Variants in RNF213 observed in about 807,000 individuals in gnomAD.
RNF213 encodes ring finger protein 213.
RNF213 carries 341 observed loss-of-function variants against 514.4 expected under a neutral mutation model. The ratio of observed to expected loss-of-function variants is 0.66; its 90% CI spans 0.61 to 0.73. The LOEUF is 0.73. Among genes scored for constraint, RNF213 ranks in the 30% least tolerant of loss-of-function variants. RNF213 has a pLI of 0.00. For missense variants in RNF213, 5,767 were observed against 6,615.6 expected (o/e 0.87, Z 4.45); for synonymous variants, 2,655 against 2,658.2 (o/e 1.00, Z 0.04).
chr17:80,372,370 A>C (rs2079550560), intron 47 of RNF213, 151 bp from the exon 48 acceptor site: 1 of 647,226 alleles, frequency 1.5e-6, no homozygotes, highest in East Asian at 2.8e-5. Context: ...AAGGAATGTT[A>C]GGTTTCCATA....
At chr17:80,341,609 A>G (rs138150644) in intron 26 of RNF213, 7 of 152,272 alleles carry the variant, frequency 4.6e-5, no homozygotes, top group African/African-American at 1.7e-4. Flanking sequence ...ATGGTGGTGC[A>G]TGCCTGTGAT....
At chr17:80,380,428 C>T (rs1038702735) in intron 55 of RNF213, among the ~76,000 whole-genome samples, 1 of 152,186 alleles carries the variant, frequency 6.6e-6, no homozygotes, top group Non-Finnish European at 1.5e-5. Flanking sequence ...ACTTTAGATC[C>T]CGGTTTTTCC....
intron 36 of RNF213, among the ~76,000 whole-genome samples, chr17:80,356,853 G>A (rs2078845349): frequency 6.6e-6 from 1 of 151,876 alleles, no homozygotes; most frequent in African/African-American, 2.4e-5. Flanking sequence ...TTTAAAAAAT[G>A]TAGGTATTTC....
chr17:80,276,253 A>G (rs1598899172), intron 3 of RNF213, among the ~76,000 whole-genome samples: 1 of 151,644 alleles, frequency 6.6e-6, no homozygotes, highest in East Asian at 2.0e-4. Context: ...GGCATGCACC[A>G]CCATGTCTGG....
intron 60 of RNF213, 87 bp downstream of exon 60, chr17:80,385,258 G>A: frequency 1.9e-6 from 3 of 1,539,392 alleles, no homozygotes; most frequent in East Asian, 2.2e-5. Context: ...GTGGGGCGGA[G>A]GGGAGGAGGC....
chr17:80,364,214 G>A (rs567068707), intron 41 of RNF213, among the ~76,000 whole-genome samples: 2 of 152,348 alleles, frequency 1.3e-5, no homozygotes, highest in South Asian at 2.1e-4. Flanking sequence ...CCCATGCAGA[G>A]GCATCACAGT....
Position 80,348,094 on chromosome 17 carries a change from G to C in RNF213, c.9759G>C (p.Glu3253Asp), listed in dbSNP as rs2078375907. Residue 3253 changes from glutamate (E) to aspartate (D), a missense_variant, in exon 29 of 68, where the codon GAG becomes GAC. Glu to Asp is a conservative substitution (Grantham distance 45). Transcript: ENST00000582970. Reference protein sequence around the residue: ...TEELHQKVSEEAKSILLNCAT... With the variant: ...TEELHQKVSEDAKSILLNCAT... ...AACTTCACCAGAAGGTGTCTGAGGA[G>C]GCCAAATCGATCCTGCTGAACTGCG... 1 of 1,614,170 alleles carries C rather than the reference G, an allele frequency of 6.2e-7. No individual in the cohort carries two copies. Among genetic ancestry groups the C allele is most frequent in the Non-Finnish European group, 8.5e-7 (1 of 1,180,056 alleles).
intron 11 of RNF213, among the ~76,000 whole-genome samples, chr17:80,301,976 C>T (rs992016817): frequency 3.3e-5 from 5 of 152,178 alleles, no homozygotes; most frequent in African/African-American, 4.8e-5. Context: ...TTCTGTCTTT[C>T]GCAGCAACAT....
chr17:80,332,247 CGCAGA>C lies in RNF213; in HGVS notation c.3761_3765del (p.Ala1254ValfsTer4). On this transcript the variant is annotated frameshift_variant, in exon 21 of 68. Transcript: ENST00000582970. LOFTEE classifies it high-confidence loss of function. ...GTGAGCCTAAGGAGGACCAGGAAGC[CGCAGA>C]GTTGCTGAGTGAGCCCGAAGAAGAA... is the stretch of plus-strand genomic sequence containing the variant. 6.5e-7 allele frequency: 1 copy of C among 1,537,196 alleles called. No individual in the cohort carries two copies. The highest frequency in any genetic ancestry group is 1.2e-5 in the South Asian group (1 of 84,056).
At chr17:80,388,353 C>T (rs1467800392) in intron 63 of RNF213, among the ~76,000 whole-genome samples, 2 of 152,202 alleles carry the variant, frequency 1.3e-5, no homozygotes, top group Admixed American at 6.5e-5. Flanking sequence ...GCCCTAGCGC[C>T]TCCTGTGGCG....
intron 17 of RNF213, 54 bp from the exon 18 acceptor site, chr17:80,324,976 A>G: frequency 6.7e-7 from 1 of 1,499,900 alleles, no homozygotes; most frequent in Non-Finnish European, 9.0e-7. Context: ...TGTTATTTCA[A>G]AACAAACTAA....
intron 31 of RNF213, 34 bp downstream of exon 31, chr17:80,350,430 A>G: frequency 7.3e-7 from 1 of 1,375,468 alleles, no homozygotes; most frequent in Non-Finnish European, 1.0e-6. Context: ...GAAACTATGT[A>G]AAAAACCCAA....
rs550329051 is a variant in RNF213, at chr17:80,317,458, G to A, written c.2901+181G>A. 1.1e-3 allele frequency among the ~76,000 whole-genome samples: 166 copies of A among 152,232 alleles called. 3 individuals carry two copies. Among genetic ancestry groups the A allele is most frequent in the Non-Finnish European group, 1.8e-3 (125 of 68,014 alleles). On this transcript the variant is annotated intron_variant, in intron 16 of 67. Transcript: ENST00000582970. This position sits in a 1 kb window ranked among gnomAD's most constrained non-coding sequence, Gnocchi z 4.1. ...TAGTCTGTCCCTAGAAGAGCGCTTC[G>A]GAGTCTTACTGAGAGGACAGAGAAG...
intron 2 of RNF213, among the ~76,000 whole-genome samples, chr17:80,272,438 C>G (rs929155545): frequency 3.9e-5 from 6 of 152,206 alleles, no homozygotes; most frequent in African/African-American, 7.2e-5. Flanking sequence ...ATGCTGACAG[C>G]TGTGAAAGAC....
At chr17:80,297,068 C>A (rs2044978506) in intron 10 of RNF213, among the ~76,000 whole-genome samples, 1 of 152,254 alleles carries the variant, frequency 6.6e-6, no homozygotes, top group South Asian at 2.1e-4. Context: ...AGAGTTAGTG[C>A]CGGGGCTTAA....
Position 80,343,268 on chromosome 17 carries a change from C to T in RNF213, c.6126C>T (p.Phe2042=). ...GAGTCCTGGGCGCCCTGCTGCCCTT[C>T]CTGGATGCGCAGTATCAGAAGGTCC... is the stretch of plus-strand genomic sequence containing the variant. ...ESRVLGALLP[F]LDAQYQKVPV... Residue 2042 remains phenylalanine, a synonymous_variant, in exon 27 of 68, where the codon TTC becomes TTT. Coordinates refer to ENST00000582970, the MANE Select transcript of RNF213 (RefSeq NM_001256071.3). This position sits in a 1 kb window ranked among gnomAD's most constrained non-coding sequence, Gnocchi z 4.3. 1 of 1,613,826 alleles carries T rather than the reference C, an allele frequency of 6.2e-7. No individual in the cohort carries two copies. Among genetic ancestry groups the T allele is most frequent in the African/African-American group, 1.3e-5 (1 of 75,036 alleles).
At position 80,396,407 on chromosome 17, in the gene RNF213, CA is replaced by C. The variant is rs1482990354; in HGVS notation, c.*2912del. The stretch of plus-strand genomic sequence containing the variant: ...TGTTCAGGCAATTCCAATTTAGAAA[CA>C]AACTTCCAGTGATAAATATTGGGAA... On this transcript the variant is annotated 3_prime_UTR_variant, in exon 68 of 68. Transcript: ENST00000582970. 6.6e-6 allele frequency: 1 copy of C among 152,162 alleles called. No individual in the cohort carries two copies. The highest frequency in any genetic ancestry group is 2.4e-5 in the African/African-American group (1 of 41,410). 9.4% of individuals were successfully genotyped at this position (152,162 alleles called of 1,614,324 possible).
At chr17:80,309,276 G>A (rs2045483430) in intron 14 of RNF213, 105 bp downstream of exon 14, 2 of 1,380,596 alleles carry the variant, frequency 1.4e-6, no homozygotes, top group South Asian at 2.3e-5. Context: ...GCTGGGATGA[G>A]ATGGAGCGGT....
chr17:80,368,146 A>G lies in RNF213; in HGVS notation c.12155+3A>G. The G allele has an allele frequency of 6.2e-7, 1 of 1,614,152 alleles. No homozygotes were observed. The highest frequency in any genetic ancestry group is 8.5e-7 in the Non-Finnish European group (1 of 1,179,930). ...CCAGCTGTTTCCCAAGCGCACAGGT[A>G]CAACACCCTTTCTCTCAAGAAAGCA... On this transcript the variant is annotated splice_donor_region_variant and intron_variant, in intron 44 of 67. Transcript: ENST00000582970.
Sources: gnomAD v4.1 joint callset for allele counts (sites outside exome capture counted in the v4.1 genomes callset) on GRCh38, gnomAD v4.1.1 for gene constraint, Gnocchi (gnomAD v3.1) non-coding constraint, MANE v1.5 for transcripts, NCBI Gene and HGNC (gene_info 2026-07-23, HGNC 2026-07-21) for gene names.